IRAK1BP1: variants seen among roughly 807,000 people sequenced by gnomAD.
IRAK1BP1 encodes interleukin 1 receptor associated kinase 1 binding protein 1, also known as interleukin-1 receptor-associated kinase 1-binding protein 1.
A neutral mutation model predicts 28.0 loss-of-function variants in IRAK1BP1; 24 were observed. That is an observed-to-expected ratio of 0.86 (90% CI 0.62 to 1.20). The LOEUF is 1.20. Among genes scored for constraint, IRAK1BP1 ranks in the 50% most tolerant of loss-of-function variants. The probability of loss-of-function intolerance (pLI) is 0.00; values close to 1 mark genes in which losing one functional copy is unlikely to be tolerated. For synonymous variants in IRAK1BP1, 131 were observed against 116.3 expected (o/e 1.13, Z -0.81); for missense variants, 336 against 316.7 (o/e 1.06, Z -0.46).
chr6:78,972,006 C>G, the IRAK1BP1 span, among the ~76,000 whole-genome samples: 1 of 152,076 alleles, frequency 6.6e-6, no homozygotes, highest in South Asian at 2.1e-4. Context: ...CCGGGAAGCT[C>G]GAACTGGGTG....
At chr6:78,879,304 C>G (rs1420964033) in intron 1 of IRAK1BP1, among the ~76,000 whole-genome samples, 1 of 151,994 alleles carries the variant, frequency 6.6e-6, no homozygotes, top group East Asian at 1.9e-4. Flanking sequence ...ACGTATGTAA[C>G]AAACCTGCAC....
Position 78,887,391 on chromosome 6 carries a change from C to T in IRAK1BP1, c.381+1948C>T, listed in dbSNP as rs184524722. Among the ~76,000 whole-genome samples, 631 of 152,086 alleles carry T rather than the reference C, an allele frequency of 4.1e-3. 4 individuals carry two copies. The highest frequency in any genetic ancestry group is 8.2e-3 in the Admixed American group (125 of 15,270). ...TCAAAAAAGCAGAAGATTGGCTGGG[C>T]GCGATGGCTCTCACCTGTAATCCCA... On this transcript the variant is annotated intron_variant, in intron 2 of 3. Coordinates refer to ENST00000369940, the MANE Select transcript of IRAK1BP1 (RefSeq NM_001010844.4).
chr6:78,892,670 G>A (rs982751073), intron 2 of IRAK1BP1, among the ~76,000 whole-genome samples: 12 of 152,090 alleles, frequency 7.9e-5, no homozygotes, highest in African/African-American at 2.2e-4. Context: ...GTCATTAAAA[G>A]TTATTTTGGC....
the IRAK1BP1 span, chr6:78,954,750 A>G: frequency 1.8e-5 from 17 of 968,820 alleles, no homozygotes; most frequent in Non-Finnish European, 1.5e-6. Flanking sequence ...TAAAATAGCC[A>G]ACTGTCATGT....
At chr6:78,931,891 C>T (rs542962255) in intron 4 of IRAK1BP1, among the ~76,000 whole-genome samples, 1 of 152,304 alleles carries the variant, frequency 6.6e-6, no homozygotes, top group South Asian at 2.1e-4. Context: ...TTCTTTGTAG[C>T]ATGCAATGCT....
chr6:78,904,307 A>G (rs1772203719), downstream of IRAK1BP1, among the ~76,000 whole-genome samples: 1 of 152,194 alleles, frequency 6.6e-6, no homozygotes, highest in Non-Finnish European at 1.5e-5. Flanking sequence ...AGCTTATTGG[A>G]TCAGCTATAA....
intron 4 of IRAK1BP1, chr6:78,940,944 T>C (rs756344429): frequency 1.2e-6 from 2 of 1,614,074 alleles, no homozygotes; most frequent in Non-Finnish European, 1.7e-6. Flanking sequence ...TTACTTCTCC[T>C]TAACACTTTG....
At chr6:78,875,032 A>C (rs1208004872) in intron 1 of IRAK1BP1, among the ~76,000 whole-genome samples, 3 of 152,104 alleles carry the variant, frequency 2.0e-5, no homozygotes, top group Admixed American at 2.0e-4. Context: ...TATAAGGAAT[A>C]AGCAGGAAAA....
chr6:78,895,668 A>C (rs1771855221), intron 2 of IRAK1BP1, among the ~76,000 whole-genome samples: 1 of 152,234 alleles, frequency 6.6e-6, no homozygotes, highest in South Asian at 2.1e-4. Context: ...GATACAGAAG[A>C]AGCACTTAAC....
chr6:78,877,854 G>A (rs376773263), intron 1 of IRAK1BP1, among the ~76,000 whole-genome samples: 1 of 152,128 alleles, frequency 6.6e-6, no homozygotes, highest in Non-Finnish European at 1.5e-5. Flanking sequence ...TCCCGCACCT[G>A]GCTCAGAGGG....
the IRAK1BP1 span, among the ~76,000 whole-genome samples, chr6:78,972,636 T>C: frequency 6.6e-6 from 1 of 151,836 alleles, no homozygotes; most frequent in East Asian, 1.9e-4. Flanking sequence ...TTGAAAAAAA[T>C]TTAGAAGAAT....
rs549020329 is a variant in IRAK1BP1 at position 78,940,987 on chromosome 6, T to C, written c.*68-4421T>C. 6 of 1,614,024 alleles carry C rather than the reference T, an allele frequency of 3.7e-6. No individual in the cohort carries two copies. The South Asian group carries it at 6.6e-5, about 18-fold the overall frequency. ...CAGGGACTAGGAGATCTGCATCTAA[T>C]TTTTGTGTCTTCATCTTCCTTTTGG... On this transcript the variant is annotated intron_variant and NMD_transcript_variant, in intron 4 of 4. Coordinates refer to the IRAK1BP1 transcript ENST00000606868.
the IRAK1BP1 span, among the ~76,000 whole-genome samples, chr6:78,952,677 A>G: frequency 6.6e-6 from 1 of 152,126 alleles, no homozygotes; most frequent in Admixed American, 6.6e-5. Flanking sequence ...GTCTGTTTTT[A>G]AAACTGTCCA....
chr6:78,958,456 A>G, the IRAK1BP1 span: 1 of 1,342,096 alleles, frequency 7.5e-7, no homozygotes, highest in Non-Finnish European at 1.1e-6. Flanking sequence ...TCATAATTAC[A>G]TATGAAAAGA....
chr6:78,940,258 GTA>G (rs989943838), intron 4 of IRAK1BP1: 35 of 151,988 alleles, frequency 2.3e-4, no homozygotes, highest in African/African-American at 7.7e-4. Context: ...GGCATGACTT[GTA>G]TCAATAGAAA....
Position 78,867,738 on chromosome 6 carries a change from A to G in IRAK1BP1, c.162A>G (p.Gln54=). The change falls in exon 1 of 4, where the codon CAA becomes CAG. Residue 54 remains glutamine (Q), a synonymous_variant. Coordinates refer to ENST00000369940, the MANE Select transcript of IRAK1BP1 (RefSeq NM_001010844.4). ...TQAQTATREV[Q]VSGTSEVSAG... ...CCCAAACTGCTACCCGCGAGGTGCA[A>G]GTAAGCGGCACCTCAGAAGTGTCTG... The G allele has an allele frequency of 6.2e-7, 1 of 1,614,218 alleles. No individual in the cohort carries two copies. Among genetic ancestry groups the G allele is most frequent in the South Asian group, 1.1e-5 (1 of 91,086 alleles).
the IRAK1BP1 span, chr6:78,970,675 T>C: frequency 2.9e-6 from 2 of 701,028 alleles, no homozygotes; most frequent in Non-Finnish European, 4.7e-6. Flanking sequence ...ACAAGGTATC[T>C]TCATGATGCA....
At chr6:78,935,801 C>G (rs1486717803) in intron 4 of IRAK1BP1, 2 of 954,104 alleles carry the variant, frequency 2.1e-6, no homozygotes, top group Admixed American at 6.2e-5. Context: ...AGATTATGTA[C>G]TAAGTGCTTT....
At chr6:78,945,997 T>C (rs1773791223) in exon 5 of IRAK1BP1, 1 of 1,597,168 alleles carries the variant, frequency 6.3e-7, no homozygotes, top group African/African-American at 1.3e-5. Flanking sequence ...AAAGTGAGTC[T>C]TACTTGTTTT....
Sources: gnomAD v4.1 joint callset for allele counts (sites outside exome capture counted in the v4.1 genomes callset) on GRCh38, gnomAD v4.1.1 for gene constraint, MANE v1.5 for transcripts, NCBI Gene and HGNC (gene_info 2026-07-23, HGNC 2026-07-21) for gene names.